EYS: variants seen among roughly 807,000 people sequenced by gnomAD.
EYS encodes EGF-like photoreceptor maintenance factor.
A neutral mutation model predicts 282.1 loss-of-function variants in EYS; 250 were observed. That is an observed-to-expected ratio of 0.89 (90% CI 0.80 to 0.98). The LOEUF is 0.98. EYS is among the 50% of genes least tolerant of loss of function. The probability of loss-of-function intolerance (pLI) is 0.00; values close to 1 mark genes in which losing one functional copy is unlikely to be tolerated. For synonymous variants in EYS, 1,355 were observed against 1,282.9 expected, an observed-to-expected ratio of 1.06 and a Z score of -1.20; for missense variants, 4,016 against 3,709.0, an observed-to-expected ratio of 1.08 and a Z score of -2.15.
At chr6:65,569,472 A>G (rs1764404764) in intron 2 of EYS, among the ~76,000 whole-genome samples, 1 of 152,170 alleles carries the variant, frequency 6.6e-6, no homozygotes, top group Non-Finnish European at 1.5e-5. Flanking sequence ...CTGCCATTGT[A>G]GGACTAACAA....
intron 12 of EYS, among the ~76,000 whole-genome samples, chr6:65,083,614 C>A (rs1036361739): frequency 1.3e-5 from 2 of 151,646 alleles, no homozygotes; most frequent in African/African-American, 4.8e-5. Flanking sequence ...CTTTTTCAAC[C>A]CTGTTTTCCT....
At chr6:64,262,874 C>A (rs1347360456) in intron 30 of EYS, among the ~76,000 whole-genome samples, 2 of 151,972 alleles carry the variant, frequency 1.3e-5, no homozygotes, top group African/African-American at 4.8e-5. Context: ...TTTACACAAG[C>A]CTTCATTTCA....
chr6:65,421,593 A>G (rs1767456139), intron 5 of EYS, among the ~76,000 whole-genome samples: 1 of 151,954 alleles, frequency 6.6e-6, no homozygotes, highest in Non-Finnish European at 1.5e-5. Context: ...AACTGTTAGG[A>G]GCACAAGGCC....
At chr6:63,825,897 C>A (rs1323300585) in intron 36 of EYS, among the ~76,000 whole-genome samples, 1 of 152,064 alleles carries the variant, frequency 6.6e-6, no homozygotes, top group Non-Finnish European at 1.5e-5. Context: ...AAGAAGAAAT[C>A]CCTGAGATAG....
At chr6:65,685,317 T>C (rs1287798009) in intron 1 of EYS, among the ~76,000 whole-genome samples, 3 of 152,058 alleles carry the variant, frequency 2.0e-5, no homozygotes, top group African/African-American at 7.2e-5. Flanking sequence ...CCTCTATTGT[T>C]TCTTAAACCT....
At chr6:64,112,887 CA>C (rs988901095) in intron 31 of EYS, among the ~76,000 whole-genome samples, 3 of 151,382 alleles carry the variant, frequency 2.0e-5, no homozygotes, top group African/African-American at 7.3e-5. Flanking sequence ...AATGAGGTCC[CA>C]GGGGGAGTTG....
At chr6:64,534,512 G>C (rs190475071) in intron 26 of EYS, among the ~76,000 whole-genome samples, 2 of 151,952 alleles carry the variant, frequency 1.3e-5, no homozygotes, top group Non-Finnish European at 2.9e-5. Flanking sequence ...AAAAATCTTA[G>C]ATTTCATTTT....
intron 12 of EYS, among the ~76,000 whole-genome samples, chr6:65,221,427 T>C (rs1169007673): frequency 1.3e-5 from 2 of 152,160 alleles, no homozygotes; most frequent in African/African-American, 4.8e-5. Context: ...GGGGGCAACA[T>C]AGAGCTCAGG....
chr6:65,043,767 A>T (rs1166909418), intron 13 of EYS, among the ~76,000 whole-genome samples: 1 of 151,356 alleles, frequency 6.6e-6, no homozygotes, highest in Non-Finnish European at 1.5e-5. Flanking sequence ...ATGACATTTT[A>T]TTTATCCATT....
intron 26 of EYS, among the ~76,000 whole-genome samples, chr6:64,544,378 G>A (rs1468283676): frequency 2.0e-5 from 3 of 152,136 alleles, no homozygotes; most frequent in Non-Finnish European, 4.4e-5. Flanking sequence ...TAAAGAAGGA[G>A]CTGAGGACCA....
chr6:64,351,585 G>A (rs889551500), intron 29 of EYS, among the ~76,000 whole-genome samples: 9 of 151,426 alleles, frequency 5.9e-5, no homozygotes, highest in East Asian at 3.9e-4. Flanking sequence ...GAAGAGACCC[G>A]AGAGCAGAAT....
chr6:64,551,558 A>G (rs1282276776), intron 26 of EYS, among the ~76,000 whole-genome samples: 1 of 136,708 alleles, frequency 7.3e-6, no homozygotes, highest in East Asian at 2.2e-4. Flanking sequence ...TTTTTTTGAG[A>G]TGGAGTCCTG....
intron 31 of EYS, among the ~76,000 whole-genome samples, chr6:64,214,538 T>C (rs2150329501): frequency 6.6e-6 from 1 of 152,234 alleles, no homozygotes; most frequent in East Asian, 1.9e-4. Flanking sequence ...TATGCAATTA[T>C]TCATGACAAT....
intron 12 of EYS, among the ~76,000 whole-genome samples, chr6:65,160,439 C>T (rs1447453829): frequency 6.6e-6 from 1 of 150,794 alleles, no homozygotes; most frequent in Non-Finnish European, 1.5e-5. Flanking sequence ...ACATAACTTA[C>T]CCAAGGCCAT....
intron 22 of EYS, among the ~76,000 whole-genome samples, chr6:64,670,068 A>G (rs1769392227): frequency 6.6e-6 from 1 of 152,112 alleles, no homozygotes; most frequent in Non-Finnish European, 1.5e-5. Context: ...ACCCTTTTGA[A>G]ATATAATCAC....
intron 14 of EYS, among the ~76,000 whole-genome samples, chr6:64,996,995 T>C (rs1771285389): frequency 6.6e-6 from 1 of 152,282 alleles, no homozygotes; most frequent in Non-Finnish European, 1.5e-5. Context: ...GGTGTTTTTA[T>C]GTCAGGCTTT....
At chr6:65,491,729 G>A in intron 4 of EYS, 1 of 293,754 alleles carries the variant, frequency 3.4e-6, no homozygotes, top group South Asian at 3.3e-5. Context: ...AGTTTTATGA[G>A]CTAAATTGTG....
chr6:64,686,809 G>GTATA lies in EYS; in HGVS notation c.3444-60568_3444-60565dup, dbSNP rs1382152433. Among the ~76,000 whole-genome samples, 23 of 46,480 alleles carry GTATA rather than the reference G, an allele frequency of 4.9e-4. 3 individuals are homozygous for GTATA. The highest frequency in any genetic ancestry group is 1.6e-3 in the African/African-American group (20 of 12,582). 30.5% of individuals were successfully genotyped at this position (46,480 alleles called of 152,430 possible). ...TATATGTGTGTATATATATATGTGT[G>GTATA]TATATATATATGTGTATATATATAT... On this transcript the variant is annotated intron_variant, in intron 22 of 42. Coordinates refer to ENST00000503581, the MANE Select transcript of EYS (RefSeq NM_001142800.2).
intron 10 of EYS, among the ~76,000 whole-genome samples, chr6:65,336,097 C>T (rs2150314434): frequency 6.6e-6 from 1 of 151,838 alleles, no homozygotes; most frequent in East Asian, 2.0e-4. Context: ...GGCCTCCCAG[C>T]CATGCCTCCT....
Sources: allele counts gnomAD v4.1 joint callset (sites outside exome capture counted in the v4.1 genomes callset), GRCh38; gene constraint gnomAD v4.1.1; transcripts MANE v1.5; gene names NCBI Gene and HGNC (gene_info 2026-07-23, HGNC 2026-07-21).